The following PROKR2 variants were observed in gnomAD, a reference collection of about 807,000 sequenced individuals.
PROKR2 encodes the protein G protein-coupled receptor 73-like 1.
PROKR2 carries 26 observed loss-of-function variants against 23.4 expected under a neutral mutation model. The ratio of observed to expected loss-of-function variants is 1.11; its 90% CI spans 0.81 to 1.54. The LOEUF (loss-of-function observed/expected upper bound fraction) is 1.54, where lower values mean the gene tolerates loss of function less well. Among genes scored for constraint, PROKR2 ranks in the 40% most tolerant of loss-of-function variants. The pLI, the probability that PROKR2 is intolerant of heterozygous loss-of-function variation, is 0.00. For synonymous variants in PROKR2, 212 were observed against 201.2 expected, an observed-to-expected ratio of 1.05 and a Z score of -0.45; for missense variants, 453 against 511.5, an observed-to-expected ratio of 0.89 and a Z score of 1.10.
chr20:5,305,162 T>C (rs1302665601), intron 2 of PROKR2, among the ~76,000 whole-genome samples: 1 of 152,232 alleles, frequency 6.6e-6, no homozygotes, highest in Non-Finnish European at 1.5e-5. Context: ...TTGAGAAAGA[T>C]GGGAACCTGA....
At chr20:5,314,464 C>T in intron 1 of PROKR2, 87 bp from the exon 2 acceptor site, 5 of 1,094,184 alleles carry the variant, frequency 4.6e-6, no homozygotes, top group Non-Finnish European at 6.9e-6. Context: ...AGCACCCTGC[C>T]CACATCCTTG....
chr20:5,314,411 G>T lies in PROKR2; in HGVS notation c.-8-34C>A, dbSNP rs376985188. ...AAAGTGGTGTGAGGGAGGTGCGAGG[G>T]GTGAGGGTCCAGACCTTCTGCTCTT... On this transcript the variant is annotated intron_variant, in intron 1 of 2. Transcript: ENST00000678254. 9.0e-6 allele frequency: 14 copies of T among 1,558,448 alleles called. No homozygotes were observed. In the South Asian group the frequency reaches 1.4e-4, roughly 16 times the overall value.
At chr20:5,304,338 A>G (rs1979134619) in intron 2 of PROKR2, among the ~76,000 whole-genome samples, 1 of 152,228 alleles carries the variant, frequency 6.6e-6, no homozygotes, top group African/African-American at 2.4e-5. Context: ...TAAACAAGCT[A>G]TAAATCAGTA....
intron 1 of PROKR2, 42 bp from the exon 2 acceptor site, chr20:5,314,419 T>G: frequency 1.2e-4 from 162 of 1,383,322 alleles, no homozygotes; most frequent in Middle Eastern, 4.7e-4. Context: ...GGGGTGAGGG[T>G]CCAGACCTTC....
chr20:5,315,051 C>G (rs1241457892), intron 1 of PROKR2, among the ~76,000 whole-genome samples: 1 of 152,222 alleles, frequency 6.6e-6, no homozygotes, highest in Non-Finnish European at 1.5e-5. Flanking sequence ...GTGATTTATG[C>G]TCTCTGAGTC....
chr20:5,302,697 AT>A lies in PROKR2; in HGVS notation c.497del (p.Asn166IlefsTer8). 1.2e-6 allele frequency: 2 copies of A among 1,614,144 alleles called. No homozygotes were observed. The highest frequency in any genetic ancestry group is 1.7e-6 in the Non-Finnish European group (2 of 1,179,978). On this transcript the variant is annotated frameshift_variant, in exon 3 of 3. Transcript: ENST00000678254. LOFTEE classifies it high-confidence loss of function. ...CGATCAGGAAGGAGGCCGTTTGATA[AT>A]TCATCCGTGGTTTCAAGGGGTGAAC... Reference protein sequence around the residue: ...AIVHPLKPRMNYQTASFLIAL... With the variant: ...AIVHPLKPRMXYQTASFLIAL...
At position 5,301,122 on chromosome 20, in the gene PROKR2, C is replaced by T. The variant is rs1480285378; in HGVS notation, c.*918G>A. The stretch of plus-strand genomic sequence containing the variant: ...GTTCAGTATGATGGCTGTAACACAC[C>T]TCCCATGATGCTGTAAACCACGCAC... On this transcript the variant is annotated 3_prime_UTR_variant, in exon 3 of 3. Transcript: ENST00000678254. Among the ~76,000 whole-genome samples the T allele has an allele frequency of 6.6e-6, 1 of 152,164 alleles. No individual in the cohort carries two copies. The highest frequency in any genetic ancestry group is 1.5e-5 in the Non-Finnish European group (1 of 68,036).
intron 2 of PROKR2, among the ~76,000 whole-genome samples, chr20:5,308,700 GC>G (rs1979322099): frequency 6.6e-6 from 1 of 152,150 alleles, no homozygotes; most frequent in South Asian, 2.1e-4. Flanking sequence ...CCCCGACCGA[GC>G]TGGTCTCAGC....
chr20:5,305,072 GA>G (rs1979167425), intron 2 of PROKR2, among the ~76,000 whole-genome samples: 2 of 152,298 alleles, frequency 1.3e-5, no homozygotes, highest in South Asian at 4.1e-4. Flanking sequence ...CCAGATAGGG[GA>G]AAAAAGAAAA....
chr20:5,316,347 G>C lies in PROKR2; in HGVS notation c.-9+147C>G, dbSNP rs900819895. 2.0e-5 allele frequency: 9 copies of C among 456,562 alleles called. No homozygotes were observed. The highest frequency in any genetic ancestry group is 4.0e-5 in the Non-Finnish European group (9 of 226,970). 28.3% of individuals were successfully genotyped at this position (456,562 alleles called of 1,614,324 possible). On this transcript the variant is annotated intron_variant, in intron 1 of 2. Coordinates refer to ENST00000678254, the MANE Select transcript of PROKR2 (RefSeq NM_144773.4). The surrounding 1 kb of genome is among the most constrained non-coding windows in gnomAD (Gnocchi z 5.0). The stretch of plus-strand genomic sequence containing the variant: ...CTCCTGAAACCAACTCGCCTGCTTG[G>C]AGCCAGCCCCGACGCATATCTCGAG...
At chr20:5,315,715 A>G (rs1485986523) in intron 1 of PROKR2, 1 of 373,752 alleles carries the variant, frequency 2.7e-6, no homozygotes, top group Non-Finnish European at 5.4e-6. Flanking sequence ...CAAGGTGAAA[A>G]CCTCCAAGAG....
At chr20:5,308,940 C>A (rs1176954526) in intron 2 of PROKR2, among the ~76,000 whole-genome samples, 1 of 149,952 alleles carries the variant, frequency 6.7e-6, no homozygotes, top group Non-Finnish European at 1.5e-5. Context: ...AGCAGCATGG[C>A]TCTCCCCAGC....
At chr20:5,314,647 G>T (rs1326897755) in intron 1 of PROKR2, among the ~76,000 whole-genome samples, 1 of 152,232 alleles carries the variant, frequency 6.6e-6, no homozygotes, top group Admixed American at 6.5e-5. Flanking sequence ...AGATCTGTAA[G>T]TTGGGAAACC....
In PROKR2 at chr20:5,299,255, A is replaced by T. The variant is rs1186699574; in HGVS notation, c.*2785T>A. ...GTTAATTATTTAATTGGATAACAAC[A>T]TTACACTTTAATCACTGGAAAATCA... On this transcript the variant is annotated 3_prime_UTR_variant, in exon 3 of 3. Transcript: ENST00000678254. 2.0e-5 allele frequency among the ~76,000 whole-genome samples: 3 copies of T among 152,222 alleles called. No individual in the cohort carries two copies. Among genetic ancestry groups the T allele is most frequent in the Admixed American group, 1.3e-4 (2 of 15,292 alleles).
In PROKR2 at chr20:5,316,312, C is replaced by T. The variant is rs915524853; in HGVS notation, c.-9+182G>A. ...GTACCCTACCCGGTCCTAGAGGGCCCAGAGGGGATCTCCTGAAACCAACTC... is the reference window on the plus strand; with the variant it reads ...GTACCCTACCCGGTCCTAGAGGGCCTAGAGGGGATCTCCTGAAACCAACTC... On this transcript the variant is annotated intron_variant, in intron 1 of 2. Coordinates refer to ENST00000678254, the MANE Select transcript of PROKR2 (RefSeq NM_144773.4). The surrounding 1 kb of genome is among the most constrained non-coding windows in gnomAD (Gnocchi z 5.0). 1 of 456,714 alleles carries T rather than the reference C, an allele frequency of 2.2e-6. No individual in the cohort carries two copies. The highest frequency in any genetic ancestry group is 4.4e-6 in the Non-Finnish European group (1 of 226,976). The allele number at this position is 456,714 out of a possible 1,614,324, so 28.3% of individuals were successfully genotyped here. A position where few individuals can be genotyped will look rare whatever the true frequency, so the allele number is the denominator to read the frequency against.
rs1336543816 is a variant in PROKR2, at chr20:5,302,155, ATCT to A, written c.1037_1039del (p.Lys346del). The A allele has an allele frequency of 6.2e-7, 1 of 1,614,214 alleles. No homozygotes were observed. The highest frequency in any genetic ancestry group is 1.7e-5 in the Admixed American group (1 of 60,030). On this transcript the variant is annotated inframe_deletion, in exon 3 of 3. Coordinates refer to ENST00000678254, the MANE Select transcript of PROKR2 (RefSeq NM_144773.4). ...GGAGGGACGCCAGTGCAGCAGCATC[ATCT>A]TCTTGAAGTACTTCATGGTGTTGTT...
chr20:5,313,793 C>G, intron 2 of PROKR2, 119 bp downstream of exon 2: 1 of 876,832 alleles, frequency 1.1e-6, no homozygotes, highest in Non-Finnish European at 1.8e-6. Flanking sequence ...AAGACCTCCT[C>G]TTGCCCTCCA....
chr20:5,313,211 TA>T (rs1252251039), intron 2 of PROKR2, among the ~76,000 whole-genome samples: 1 of 151,914 alleles, frequency 6.6e-6, no homozygotes, highest in Non-Finnish European at 1.5e-5. Flanking sequence ...AAGGAAAAAA[TA>T]AAATAGAGCA....
In PROKR2 at chr20:5,302,139, C is replaced by G. The variant is rs745562390; in HGVS notation, c.1056G>C (p.Trp352Cys). The G allele has an allele frequency of 1.2e-6, 2 of 1,614,218 alleles. No homozygotes were observed. Among genetic ancestry groups the G allele is most frequent in the Non-Finnish European group, 8.5e-7 (1 of 1,180,046 alleles). ...ACTTGCTCCCCCGCTGGGAGGGACGCCAGTGCAGCAGCATCATCTTCTTGA... is the reference window on the plus strand; with the variant it reads ...ACTTGCTCCCCCGCTGGGAGGGACGGCAGTGCAGCAGCATCATCTTCTTGA... ...KYFKKMMLLH[W>C]RPSQRGSKSS... Residue 352 changes from tryptophan to cysteine, a missense_variant, in exon 3 of 3, where the codon TGG becomes TGC. Physicochemically the swap from Trp to Cys is radical, Grantham distance 215. Transcript: ENST00000678254.
Sources: allele counts gnomAD v4.1 joint callset (sites outside exome capture counted in the v4.1 genomes callset), GRCh38; gene constraint gnomAD v4.1.1; non-coding constraint Gnocchi (gnomAD v3.1); transcripts MANE v1.5; gene names NCBI Gene and HGNC (gene_info 2026-07-23, HGNC 2026-07-21).